The following MMRN2 variants were observed in gnomAD, a reference collection of about 807,000 sequenced individuals.
MMRN2 encodes the protein multimerin 2.
Under a neutral mutation model 68.8 loss-of-function variants are expected in MMRN2, and 53 were observed. That is an observed-to-expected ratio of 0.77 (90% CI 0.62 to 0.97). MMRN2 has a LOEUF of 0.97. Ranked by LOEUF, MMRN2 falls within the 50% of genes least tolerant of loss-of-function variation. The probability of loss-of-function intolerance (pLI) is 0.00; values close to 1 mark genes in which losing one functional copy is unlikely to be tolerated. For synonymous variants in MMRN2, 564 were observed against 551.6 expected (o/e 1.02, Z -0.32); for missense variants, 1,266 against 1,259.5 (o/e 1.01, Z -0.08).
Position 86,957,257 on chromosome 10 carries a change from A to G in MMRN2, c.164+121T>C, listed in dbSNP as rs1419797531. 3.8e-5 allele frequency: 39 copies of G among 1,025,128 alleles called. No individual in the cohort carries two copies. In the Admixed American group the frequency reaches 7.4e-4, roughly 20 times the overall value. 63.5% of individuals were successfully genotyped at this position (1,025,128 alleles called of 1,614,324 possible). The stretch of plus-strand genomic sequence containing the variant: ...TTTCAGCCTCACAGATGGCCCAGAG[A>G]TAGATACTATTAGCCCATTTCACAG... On this transcript the variant is annotated intron_variant, in intron 1 of 6. Coordinates refer to ENST00000372027, the MANE Select transcript of MMRN2 (RefSeq NM_024756.3).
chr10:86,937,313 T>C (rs1843895216), intron 6 of MMRN2, among the ~76,000 whole-genome samples, 188 bp from the exon 7 acceptor site: 3 of 152,186 alleles, frequency 2.0e-5, no homozygotes, highest in Non-Finnish European at 2.9e-5. Context: ...TGTTTTTCAC[T>C]AATAGAGAGG....
At chr10:86,949,481 G>A (rs1248237715) in intron 1 of MMRN2, 1 of 151,662 alleles carries the variant, frequency 6.6e-6, no homozygotes, top group Non-Finnish European at 1.5e-5. Context: ...AGAACTGCTT[G>A]AGGCCTGGAG....
At position 86,936,668 on chromosome 10, in the gene MMRN2, C is replaced by G. The variant is rs777378331; in HGVS notation, c.*75G>C. The G allele has an allele frequency of 1.2e-4, 184 of 1,549,936 alleles. No individual in the cohort carries two copies. Among genetic ancestry groups the G allele is most frequent in the Non-Finnish European group, 1.6e-4 (180 of 1,139,026 alleles). On this transcript the variant is annotated 3_prime_UTR_variant, in exon 7 of 7. Coordinates refer to ENST00000372027, the MANE Select transcript of MMRN2 (RefSeq NM_024756.3). The stretch of plus-strand genomic sequence containing the variant: ...GACAGACCAACTGAATGACCTCCAG[C>G]CCATCCTTGGCCAGAGCCCCAGGCC...
intron 1 of MMRN2, among the ~76,000 whole-genome samples, 163 bp downstream of exon 1, chr10:86,957,215 C>A (rs1244453893): frequency 6.6e-6 from 1 of 152,230 alleles, no homozygotes; most frequent in Non-Finnish European, 1.5e-5. Flanking sequence ...TCCTGAAACA[C>A]CCAGTCCAGA....
At chr10:86,952,347 C>T (rs1281176349) in intron 1 of MMRN2, among the ~76,000 whole-genome samples, 1 of 152,212 alleles carries the variant, frequency 6.6e-6, no homozygotes, top group East Asian at 1.9e-4. Context: ...TGCTTGCCTG[C>T]ACAGACATCC....
intron 6 of MMRN2, among the ~76,000 whole-genome samples, chr10:86,939,671 C>CG (rs1308974149): frequency 2.0e-5 from 3 of 151,646 alleles, no homozygotes; most frequent in African/African-American, 2.4e-5. Context: ...AGAGAGAGAC[C>CG]CCCACCCCAA....
rs547960425 is a variant in MMRN2 at position 86,936,043 on chromosome 10, C to A, written c.*700G>T. On this transcript the variant is annotated 3_prime_UTR_variant, in exon 7 of 7. Transcript: ENST00000372027. ...CTATCACAAGAACAGCATGGGGGAA[C>A]CGCCCCCAAGATCCAATTACCTCCA... The A allele has an allele frequency of 1.7e-5, 3 of 173,552 alleles. 1 individual carries two copies. The highest frequency in any genetic ancestry group is 4.0e-4 in the South Asian group (2 of 5,010). The allele number at this position is 173,552 out of a possible 1,614,324, so 10.8% of individuals were successfully genotyped here.
chr10:86,956,377 C>G (rs367858901), intron 1 of MMRN2, among the ~76,000 whole-genome samples: 1 of 152,198 alleles, frequency 6.6e-6, no homozygotes, highest in Non-Finnish European at 1.5e-5. Flanking sequence ...GAGACCTATC[C>G]CAGGCAGGTC....
chr10:86,943,939 G>A lies in MMRN2; in HGVS notation c.845C>T (p.Ala282Val). ...AISRVQDSAV[A>V]RADFQELGAK... ...ACCAAGCTCCTGGAAGTCAGCCCTGGCCACGGCACTGTCCTGGACTCTGGA... is the reference window on the plus strand; with the variant it reads ...ACCAAGCTCCTGGAAGTCAGCCCTGACCACGGCACTGTCCTGGACTCTGGA... The change falls in exon 6 of 7, where the codon GCC (alanine) becomes GTC (valine). Residue 282 changes from alanine to valine, a missense_variant. Ala to Val is a moderately conservative substitution (Grantham distance 64). Coordinates refer to ENST00000372027, the MANE Select transcript of MMRN2 (RefSeq NM_024756.3). The surrounding 1 kb of genome is among the most constrained non-coding windows in gnomAD (Gnocchi z 4.2). The A allele has an allele frequency of 1.2e-6, 2 of 1,614,136 alleles. No individual in the cohort carries two copies. Among genetic ancestry groups the A allele is most frequent in the Non-Finnish European group, 1.7e-6 (2 of 1,180,018 alleles).
chr10:86,956,011 C>T (rs1181348581), intron 1 of MMRN2, among the ~76,000 whole-genome samples: 1 of 152,170 alleles, frequency 6.6e-6, no homozygotes, highest in African/African-American at 2.4e-5. Flanking sequence ...GCAGCTCCCT[C>T]CTCCCTCCCG....
At chr10:86,954,835 G>C (rs533606886) in intron 1 of MMRN2, among the ~76,000 whole-genome samples, 1 of 145,556 alleles carries the variant, frequency 6.9e-6, no homozygotes, top group African/African-American at 2.5e-5. Context: ...CAGGGGTCGG[G>C]GGTGGGGGTG....
rs777003841 is a variant in MMRN2 at position 86,936,772 on chromosome 10, A to G, written c.2821T>C (p.Phe941Leu). The change falls in exon 7 of 7, where the codon TTT becomes CTT. Residue 941 changes from phenylalanine to leucine, a missense_variant. Phe to Leu is a conservative substitution (Grantham distance 22). Transcript: ENST00000372027. ...GTCTTAAACATCAGGAAGCCCCCAA[A>G]TGCAGTGCCCGACAGGCTTCTCTTT... The part of the protein sequence containing the change: ...ITKRSLSGTA[F>L]GGFLMFKT 3 of 1,614,174 alleles carry G rather than the reference A, an allele frequency of 1.9e-6. No individual in the cohort carries two copies. Among genetic ancestry groups the G allele is most frequent in the Non-Finnish European group, 1.7e-6 (2 of 1,180,026 alleles).
chr10:86,943,685 C>G lies in MMRN2; in HGVS notation c.1099G>C (p.Asp367His). The G allele has an allele frequency of 6.2e-7, 1 of 1,610,860 alleles. No individual in the cohort carries two copies. The highest frequency in any genetic ancestry group is 8.5e-7 in the Non-Finnish European group (1 of 1,179,994). ...TGGCCCAGCCTGGCCTGCAGGCTGT[C>G]CGGCTCAGGCCTTGCCCCAGCCCCA... ...TPGAGARPEPDSLQARLGQLQ... is the reference protein window; with the variant it reads ...TPGAGARPEPHSLQARLGQLQ... The change falls in exon 6 of 7, where the codon GAC becomes CAC. Residue 367 changes from aspartate to histidine, a missense_variant. Coordinates refer to ENST00000372027, the MANE Select transcript of MMRN2 (RefSeq NM_024756.3). The surrounding 1 kb of genome is among the most constrained non-coding windows in gnomAD (Gnocchi z 4.2).
rs1010874011 is a variant in MMRN2 at position 86,939,109 on chromosome 10, C to T, written c.2468-1984G>A. On this transcript the variant is annotated intron_variant, in intron 6 of 6. Transcript: ENST00000372027. ...CCCGGGAGGCGGAGGTTGCCGTGAG[C>T]CGAGATCACGCCGTTGCACTCCAGC... 6.9e-5 allele frequency among the ~76,000 whole-genome samples: 10 copies of T among 143,978 alleles called. 1 individual carries two copies. The highest frequency in any genetic ancestry group is 2.6e-4 in the African/African-American group (10 of 38,396). 94.5% of individuals were successfully genotyped at this position (143,978 alleles called of 152,430 possible).
rs541396378 is a variant in MMRN2, at chr10:86,950,626, T to C, written c.165-4937A>G. ...GCAGCAGTTCACATTGGAACACACC[T>C]GGAGGCTCTGGGAGCCACATCTCCA... On this transcript the variant is annotated intron_variant, in intron 1 of 6. Transcript: ENST00000372027. 3.3e-5 allele frequency among the ~76,000 whole-genome samples: 5 copies of C among 152,326 alleles called. No homozygotes were observed. In the South Asian group the frequency reaches 1.0e-3, roughly 32 times the overall value.
At chr10:86,944,496 G>T in intron 4 of MMRN2, 61 bp from the exon 5 acceptor site, 1 of 1,575,330 alleles carries the variant, frequency 6.3e-7, no homozygotes, top group Non-Finnish European at 8.7e-7. Flanking sequence ...AAGATCACAA[G>T]GTTCAGAGAA....
At chr10:86,939,082 CA>C (rs1477464789) in intron 6 of MMRN2, among the ~76,000 whole-genome samples, 2 of 147,756 alleles carry the variant, frequency 1.4e-5, no homozygotes, top group African/African-American at 5.0e-5. Flanking sequence ...GAATCGCTTG[CA>C]CCCGGGAGGC....
At chr10:86,944,203 TC>T in intron 5 of MMRN2, 58 bp downstream of exon 5, 1 of 1,589,386 alleles carries the variant, frequency 6.3e-7, no homozygotes, top group Non-Finnish European at 8.6e-7. Flanking sequence ...AGCGGGGTCC[TC>T]CCCTCCTCCC....
intron 6 of MMRN2, 23 bp downstream of exon 6, chr10:86,942,294 G>T (rs748537720): frequency 6.3e-7 from 1 of 1,581,268 alleles, no homozygotes; most frequent in Non-Finnish European, 8.6e-7. Flanking sequence ...GGCTCGTCCA[G>T]TCTCCCCAGC....
Sources: allele counts gnomAD v4.1 joint callset (sites outside exome capture counted in the v4.1 genomes callset), GRCh38; gene constraint gnomAD v4.1.1; non-coding constraint Gnocchi (gnomAD v3.1); transcripts MANE v1.5; gene names NCBI Gene and HGNC (gene_info 2026-07-23, HGNC 2026-07-21).